Variants in PIP5K1B observed in about 807,000 individuals in gnomAD.
PIP5K1B encodes phosphatidylinositol 4-phosphate 5-kinase type-1 beta.
In PIP5K1B, 42 loss-of-function variants were observed where a neutral mutation model predicts 67.0. The ratio of observed to expected loss-of-function variants is 0.63; its 90% CI spans 0.49 to 0.81. The LOEUF (loss-of-function observed/expected upper bound fraction) is 0.81. Ranked by LOEUF, PIP5K1B falls within the 30% of genes least tolerant of loss-of-function variation. The probability of loss-of-function intolerance (pLI) is 0.00; values close to 1 mark genes in which losing one functional copy is unlikely to be tolerated. For synonymous variants in PIP5K1B, 214 were observed against 231.4 expected, an observed-to-expected ratio of 0.92 and a Z score of 0.68; for missense variants, 459 against 646.3, an observed-to-expected ratio of 0.71 and a Z score of 3.14.
intron 14 of PIP5K1B, among the ~76,000 whole-genome samples, chr9:68,990,887 C>T (rs1023932365): frequency 6.6e-6 from 1 of 152,064 alleles, no homozygotes; most frequent in Non-Finnish European, 1.5e-5. Context: ...TGGTCTTGAT[C>T]TCTTGACCTC....
At chr9:68,883,873 A>G (rs1220278882) in intron 6 of PIP5K1B, among the ~76,000 whole-genome samples, 3 of 152,156 alleles carry the variant, frequency 2.0e-5, no homozygotes, top group Admixed American at 6.6e-5. Context: ...TAGACTTTTG[A>G]CAGAAGTGGC....
chr9:68,978,402 C>A (rs1829731578), intron 14 of PIP5K1B, among the ~76,000 whole-genome samples: 1 of 152,212 alleles, frequency 6.6e-6, no homozygotes, highest in African/African-American at 2.4e-5. Flanking sequence ...TTTCATTTAG[C>A]ATAATGTCCT....
At chr9:68,791,943 G>T (rs1303839147) in intron 2 of PIP5K1B, among the ~76,000 whole-genome samples, 1 of 152,196 alleles carries the variant, frequency 6.6e-6, no homozygotes, top group Non-Finnish European at 1.5e-5. Flanking sequence ...TGTGCTTTCA[G>T]ACAAGCTGTG....
At chr9:68,893,849 A>G (rs979769424) in intron 7 of PIP5K1B, among the ~76,000 whole-genome samples, 1 of 152,236 alleles carries the variant, frequency 6.6e-6, no homozygotes, top group Non-Finnish European at 1.5e-5. Flanking sequence ...TTCACTAATC[A>G]TGCTTACAAA....
At chr9:68,770,027 G>T (rs1268668635) in intron 2 of PIP5K1B, among the ~76,000 whole-genome samples, 1 of 152,096 alleles carries the variant, frequency 6.6e-6, no homozygotes, top group Admixed American at 6.5e-5. Flanking sequence ...GCTCTCTCCA[G>T]ATCACCAGTT....
Position 68,953,449 on chromosome 9 carries a change from T to A in PIP5K1B, c.1502+12659T>A, listed in dbSNP as rs937283588. 7.9e-5 allele frequency among the ~76,000 whole-genome samples: 12 copies of A among 152,278 alleles called. No individual in the cohort carries two copies. The Middle Eastern group carries it at 0.01, about 129-fold the overall frequency. On this transcript the variant is annotated intron_variant, in intron 14 of 15. Transcript: ENST00000265382. ...TTCTCTTTGTAGTCTACATGTTCTA[T>A]ACTGGAGGTTTTCCTCAGATTTTTG...
chr9:68,815,560 G>C (rs960481013), intron 2 of PIP5K1B, among the ~76,000 whole-genome samples: 3 of 152,038 alleles, frequency 2.0e-5, no homozygotes, highest in African/African-American at 7.2e-5. Flanking sequence ...TTGAAATCTA[G>C]AGGAAATTGA....
At chr9:68,931,110 A>T (rs1332152879) in intron 12 of PIP5K1B, among the ~76,000 whole-genome samples, 2 of 152,010 alleles carry the variant, frequency 1.3e-5, no homozygotes, top group African/African-American at 2.4e-5. Flanking sequence ...AAATCCCTTC[A>T]TCCCACCCAC....
chr9:68,758,518 G>A (rs1195475470), intron 2 of PIP5K1B, among the ~76,000 whole-genome samples: 1 of 152,116 alleles, frequency 6.6e-6, no homozygotes, highest in East Asian at 1.9e-4. Context: ...TGAAAGAGAG[G>A]AAAGTCAGTG....
At chr9:68,885,343 A>G (rs1165734183) in intron 6 of PIP5K1B, among the ~76,000 whole-genome samples, 1 of 152,220 alleles carries the variant, frequency 6.6e-6, no homozygotes, top group Non-Finnish European at 1.5e-5. Context: ...ATGTTGGCGA[A>G]TGGATATGAA....
intron 4 of PIP5K1B, among the ~76,000 whole-genome samples, chr9:68,849,287 T>C (rs1415863769): frequency 6.6e-6 from 1 of 152,172 alleles, no homozygotes; most frequent in Non-Finnish European, 1.5e-5. Flanking sequence ...TATGTAACCA[T>C]TACAAATAAT....
At chr9:68,711,312 T>G (rs991481275) in intron 1 of PIP5K1B, among the ~76,000 whole-genome samples, 2 of 152,222 alleles carry the variant, frequency 1.3e-5, no homozygotes, top group African/African-American at 4.8e-5. Flanking sequence ...TCTGGATCAC[T>G]TGATCATATG....
At chr9:68,829,637 C>T (rs1587517838) in intron 4 of PIP5K1B, among the ~76,000 whole-genome samples, 1 of 152,118 alleles carries the variant, frequency 6.6e-6, no homozygotes, top group African/African-American at 2.4e-5. Flanking sequence ...ATCAAACTAC[C>T]CTTTTTAAGA....
At position 68,917,635 on chromosome 9, in the gene PIP5K1B, A is replaced by G; in HGVS notation, c.859A>G (p.Thr287Ala). Reference sequence around the variant, plus strand: ...TTCCCTCAAAGAGAAAGAGGAGGAGACCCCACAAAATGTGCCTGATGCTAA... The same window carrying G: ...TTCCCTCAAAGAGAAAGAGGAGGAGGCCCCACAAAATGTGCCTGATGCTAA... ...DHSLKEKEEE[T>A]PQNVPDAKRT... Residue 287 changes from threonine to alanine, a missense_variant, in exon 9 of 16, where the codon ACC (threonine) becomes GCC (alanine). Transcript: ENST00000265382. 1 of 1,613,846 alleles carries G rather than the reference A, an allele frequency of 6.2e-7. No homozygotes were observed. Among genetic ancestry groups the G allele is most frequent in the Non-Finnish European group, 8.5e-7 (1 of 1,179,758 alleles).
At chr9:69,002,868 A>T (rs1339584961) in intron 15 of PIP5K1B, among the ~76,000 whole-genome samples, 3 of 152,186 alleles carry the variant, frequency 2.0e-5, no homozygotes, top group Non-Finnish European at 4.4e-5. Context: ...CTGTAATCCC[A>T]GCTACTTAGG....
intron 14 of PIP5K1B, among the ~76,000 whole-genome samples, chr9:68,982,483 A>C (rs1021139622): frequency 2.1e-4 from 32 of 152,208 alleles, no homozygotes; most frequent in Non-Finnish European, 2.9e-4. Flanking sequence ...CTGGCCAGGC[A>C]CGGTGGCTCA....
intron 12 of PIP5K1B, among the ~76,000 whole-genome samples, chr9:68,928,102 G>A (rs1761278425): frequency 6.6e-6 from 1 of 151,668 alleles, no homozygotes; most frequent in African/African-American, 2.4e-5. Flanking sequence ...AAAGTCGATT[G>A]ACCACAATTA....
rs58220469 is a variant in PIP5K1B, at chr9:68,751,919, A to G, written c.-86+9262A>G. 0.012 allele frequency among the ~76,000 whole-genome samples: 1,877 copies of G among 152,310 alleles called. 104 individuals carry two copies. The East Asian group carries it at 0.17, about 14-fold the overall frequency. On this transcript the variant is annotated intron_variant, in intron 2 of 15. Transcript: ENST00000265382. ...TAATTTTCTTAAAAATGGATTTCTG[A>G]CAGTGCTAGACCTCAAGCTCAGATT...
intron 8 of PIP5K1B, among the ~76,000 whole-genome samples, chr9:68,901,074 C>G (rs1825329901): frequency 6.6e-6 from 1 of 151,980 alleles, no homozygotes; most frequent in South Asian, 2.1e-4. Context: ...TCTCAGTTAT[C>G]ACTGGGGAAG....
Sources: allele counts gnomAD v4.1 joint callset (sites outside exome capture counted in the v4.1 genomes callset), GRCh38; gene constraint gnomAD v4.1.1; transcripts MANE v1.5; gene names NCBI Gene and HGNC (gene_info 2026-07-23, HGNC 2026-07-21).